The following FRY variants were observed in gnomAD, a reference collection of about 807,000 sequenced individuals.
FRY encodes the protein FRY microtubule binding protein.
Under a neutral mutation model 348.4 loss-of-function variants are expected in FRY, and 128 were observed. The ratio of observed to expected loss-of-function variants is 0.37; its 90% confidence interval spans 0.32 to 0.43. FRY has a LOEUF of 0.43. Ranked by LOEUF, FRY falls within the 20% of genes least tolerant of loss-of-function variation. The probability of loss-of-function intolerance (pLI) is 1.00; values close to 1 mark genes in which losing one functional copy is unlikely to be tolerated. For missense variants in FRY, 2,736 were observed against 3,695.2 expected, an observed-to-expected ratio of 0.74 and a Z score of 6.73; for synonymous variants, 1,370 against 1,374.7, an observed-to-expected ratio of 1.00 and a Z score of 0.08.
intron 1 of FRY, among the ~76,000 whole-genome samples, chr13:32,039,565 C>T (rs866037242): frequency 3.9e-5 from 6 of 152,206 alleles, no homozygotes; most frequent in South Asian, 4.1e-4. Context: ...GATCAGATAT[C>T]TCACCTATAT....
At chr13:32,272,886 C>G (rs1303067157) in intron 55 of FRY, among the ~76,000 whole-genome samples, 1 of 150,896 alleles carries the variant, frequency 6.6e-6, no homozygotes, top group Admixed American at 6.6e-5. Context: ...CAGGTACACA[C>G]CACCGTGCCC....
At chr13:32,086,163 A>C (rs1264571751) in intron 2 of FRY, among the ~76,000 whole-genome samples, 1 of 152,236 alleles carries the variant, frequency 6.6e-6, no homozygotes, top group East Asian at 1.9e-4. Flanking sequence ...CAGGCAGCCC[A>C]AAATATGAAA....
In FRY at chr13:32,247,453, C is replaced by T; in HGVS notation, c.6959C>T (p.Ser2320Phe). The T allele has an allele frequency of 6.2e-7, 1 of 1,613,632 alleles. No homozygotes were observed. Among genetic ancestry groups the T allele is most frequent in the Non-Finnish European group, 8.5e-7 (1 of 1,179,592 alleles). ...ATACATCGAGTGTGGACTAGTGCTT[C>T]CAAGGAATTACCTGGGAAAACCCTG... Reference protein sequence around the residue: ...IEIHRVWTSASKELPGKTLDF... With the variant: ...IEIHRVWTSAFKELPGKTLDF... Residue 2320 changes from serine to phenylalanine, a missense_variant, in exon 48 of 61, where the codon TCC becomes TTC. Around this residue, in one of 9 missense-constraint regions of FRY, gnomAD observed 789 missense variants for 996.2 expected, o/e 0.79. Transcript: ENST00000542859.
In FRY at chr13:32,079,160, G is replaced by C. The variant is rs55830995; in HGVS notation, c.270+127G>C. The C allele has an allele frequency of 3.8e-3, 2,940 of 774,128 alleles. 16 individuals carry two copies. The highest frequency in any genetic ancestry group is 7.8e-3 in the Middle Eastern group (33 of 4,220). 48.0% of individuals were successfully genotyped at this position (774,128 alleles called of 1,614,324 possible). On this transcript the variant is annotated intron_variant, in intron 2 of 60. Transcript: ENST00000542859. Reference sequence around the variant, plus strand: ...TTTGTAAAGGTTCTTTAATATCATAGGTAATGTTTTAAAGATAATAGTTAG... The same window carrying C: ...TTTGTAAAGGTTCTTTAATATCATACGTAATGTTTTAAAGATAATAGTTAG...
In FRY at chr13:32,208,986, A is replaced by C; in HGVS notation, c.4152A>C (p.Pro1384=). ...TCCCGGGGTCGAGCCCCAGCAGCCCAGAGGACGAAGTCAAGGACCGGGAAG... is the reference window on the plus strand; with the variant it reads ...TCCCGGGGTCGAGCCCCAGCAGCCCCGAGGACGAAGTCAAGGACCGGGAAG... The part of the protein sequence containing the change: ...LLLPGSSPSS[P]EDEVKDREGD... The change falls in exon 32 of 61, where the codon CCA becomes CCC. Residue 1384 remains proline (P), a synonymous_variant. Transcript: ENST00000542859. 6.2e-7 allele frequency: 1 copy of C among 1,614,178 alleles called. No individual in the cohort carries two copies. The highest frequency in any genetic ancestry group is 1.1e-5 in the South Asian group (1 of 91,076).
At chr13:32,269,360 G>T (rs1037076530) in intron 55 of FRY, among the ~76,000 whole-genome samples, 1 of 152,118 alleles carries the variant, frequency 6.6e-6, no homozygotes, top group Non-Finnish European at 1.5e-5. Flanking sequence ...TCTTTTTATG[G>T]TATGGGAAGG....
intron 50 of FRY, among the ~76,000 whole-genome samples, chr13:32,252,800 T>C (rs1887148794): frequency 6.6e-6 from 1 of 152,160 alleles, no homozygotes; most frequent in Non-Finnish European, 1.5e-5. Flanking sequence ...TTTCTTATCG[T>C]CTGGGAAAGC....
chr13:32,193,609 C>G (rs1436834913), intron 28 of FRY, among the ~76,000 whole-genome samples: 1 of 41,306 alleles, frequency 2.4e-5, no homozygotes, highest in Non-Finnish European at 5.4e-5. Context: ...TTTTTGAGAC[C>G]TAGTCTCACT....
At chr13:32,265,365 T>G in intron 53 of FRY, 85 bp from the exon 54 acceptor site, 4 of 1,282,050 alleles carry the variant, frequency 3.1e-6, no homozygotes, top group Non-Finnish European at 4.5e-6. Flanking sequence ...CATTTCAGTC[T>G]CTCTTATTTG....
At chr13:32,260,645 C>T (rs1038232262) in intron 51 of FRY, among the ~76,000 whole-genome samples, 5 of 151,872 alleles carry the variant, frequency 3.3e-5, no homozygotes, top group African/African-American at 9.7e-5. Context: ...GAGGCCGAGG[C>T]GGGTGGATCA....
Position 32,178,939 on chromosome 13 carries a change from C to T in FRY, c.2777C>T (p.Ala926Val). ...RNYLILCFGVAKPSIMSPGHL... is the reference protein window; with the variant it reads ...RNYLILCFGVVKPSIMSPGHL... ...TACCTAATTCTTTGTTTTGGAGTTG[C>T]AAAACCCAGTATTATGAGCCCAGGA... Residue 926 changes from alanine to valine, a missense_variant, in exon 22 of 61, where the codon GCA (alanine) becomes GTA (valine). Coordinates refer to ENST00000542859, the MANE Select transcript of FRY (RefSeq NM_023037.3). The T allele has an allele frequency of 6.2e-7, 1 of 1,613,356 alleles. No homozygotes were observed. The highest frequency in any genetic ancestry group is 1.3e-5 in the African/African-American group (1 of 75,004).
At chr13:32,142,928 G>A (rs754949945) in intron 11 of FRY, among the ~76,000 whole-genome samples, 8 of 152,178 alleles carry the variant, frequency 5.3e-5, no homozygotes, top group Non-Finnish European at 1.0e-4. Context: ...GGGGTGCTTG[G>A]TAGCCTCTCC....
At chr13:32,086,305 C>T (rs1434616209) in intron 2 of FRY, among the ~76,000 whole-genome samples, 1 of 152,174 alleles carries the variant, frequency 6.6e-6, no homozygotes, top group Non-Finnish European at 1.5e-5. Flanking sequence ...TTTATTATAG[C>T]CCTGCCACTA....
At chr13:32,261,376 A>G (rs1887636869) in intron 51 of FRY, 3 of 683,238 alleles carry the variant, frequency 4.4e-6, no homozygotes, top group Non-Finnish European at 5.3e-6. Flanking sequence ...ATTATTACCC[A>G]CCATGCCAAA....
At position 32,247,393 on chromosome 13, in the gene FRY, C is replaced by G; in HGVS notation, c.6899C>G (p.Pro2300Arg). Residue 2300 changes from proline (P) to arginine (R), a missense_variant, in exon 48 of 61, where the codon CCT (proline) becomes CGT (arginine). Pro to Arg is a moderately radical substitution (Grantham distance 103). Around this residue, in one of 9 missense-constraint regions of FRY, gnomAD observed 789 missense variants for 996.2 expected, o/e 0.79. Transcript: ENST00000542859. Reference sequence around the variant, plus strand: ...TCTCGGTCAGCCAGCCTTGTTTTACCTTCATACCAGCACAGTGACCTCTCA... The same window carrying G: ...TCTCGGTCAGCCAGCCTTGTTTTACGTTCATACCAGCACAGTGACCTCTCA... ...VVSRSASLVLPSYQHSDLSKI... is the reference protein window; with the variant it reads ...VVSRSASLVLRSYQHSDLSKI... The G allele has an allele frequency of 6.2e-7, 1 of 1,613,378 alleles. No individual in the cohort carries two copies. Among genetic ancestry groups the G allele is most frequent in the Non-Finnish European group, 8.5e-7 (1 of 1,179,326 alleles).
chr13:32,147,832 C>A lies in FRY; in HGVS notation c.1284-7C>A. 1.9e-6 allele frequency: 3 copies of A among 1,556,040 alleles called. No individual in the cohort carries two copies. The highest frequency in any genetic ancestry group is 1.1e-5 in the South Asian group (1 of 89,912). ...GCTTGTTTTCTCTTTTCCCCCTTAT[C>A]TTTCAGCCGACTTATAACCATCATC... On this transcript the variant is annotated splice_region_variant and splice_polypyrimidine_tract_variant and intron_variant, in intron 12 of 60. Transcript: ENST00000542859.
chr13:32,127,025 T>C (rs961807380), intron 7 of FRY, among the ~76,000 whole-genome samples: 2 of 152,214 alleles, frequency 1.3e-5, no homozygotes, highest in Admixed American at 1.3e-4. Flanking sequence ...TGATGCTGTT[T>C]AGTTCTTGTC....
At chr13:32,289,577 A>T in intron 58 of FRY, 56 bp from the exon 59 acceptor site, 1 of 1,044,602 alleles carries the variant, frequency 9.6e-7, no homozygotes, top group Non-Finnish European at 1.5e-6. Context: ...TTCACTAGTT[A>T]TATGTGAATG....
At chr13:32,045,882 T>C (rs975886816) in intron 1 of FRY, among the ~76,000 whole-genome samples, 2 of 152,270 alleles carry the variant, frequency 1.3e-5, no homozygotes, top group Non-Finnish European at 2.9e-5. Flanking sequence ...AATGTAGAAA[T>C]TGAGGAAAGG....
Sources: gnomAD v4.1 joint callset for allele counts (sites outside exome capture counted in the v4.1 genomes callset) on GRCh38, gnomAD v4.1.1 for gene constraint, gnomAD v4.1.1 regional missense constraint, MANE v1.5 for transcripts, NCBI Gene and HGNC (gene_info 2026-07-23, HGNC 2026-07-21) for gene names.